USP9X: variants seen among roughly 807,000 people sequenced by gnomAD.
USP9X encodes ubiquitin carboxyl-terminal hydrolase 9X.
In USP9X, 7 loss-of-function variants were observed where a neutral mutation model predicts 190.3. The observed-to-expected ratio is 0.04, with a 90% CI of 0.02 to 0.07. The LOEUF is 0.07. Among genes scored for constraint, USP9X ranks in the 10% least tolerant of loss-of-function variants. The pLI is 1.00. For synonymous variants in USP9X, 645 were observed against 659.5 expected, an observed-to-expected ratio of 0.98 and a Z score of 0.34; for missense variants, 1,010 against 1,916.9, an observed-to-expected ratio of 0.53 and a Z score of 8.83.
intron 11 of USP9X, among the ~76,000 whole-genome samples, chrX:41,146,966 A>T (rs1236398246): frequency 1.8e-5 from 2 of 111,163 alleles, no homozygotes; most frequent in Non-Finnish European, 3.8e-5. Flanking sequence ...TTAATATCAT[A>T]AAATAGTTTT....
chrX:41,149,450 A>G (rs1024439155), intron 12 of USP9X, among the ~76,000 whole-genome samples: 1 of 110,641 alleles, frequency 9.0e-6, no homozygotes, highest in Non-Finnish European at 1.9e-5. Flanking sequence ...TTCAACTTTC[A>G]TTTATTGTTT....
intron 15 of USP9X, among the ~76,000 whole-genome samples, chrX:41,164,683 G>T (rs1456413472): frequency 8.9e-6 from 1 of 112,146 alleles, no homozygotes; most frequent in African/African-American, 3.2e-5. Context: ...AGTGCAGCAG[G>T]TGTTACTCCC....
chrX:41,093,942 A>T (rs772604120), intron 1 of USP9X, among the ~76,000 whole-genome samples: 1 of 112,029 alleles, frequency 8.9e-6, no homozygotes, highest in African/African-American at 3.2e-5. Context: ...GGGAATGTGA[A>T]AGGAGGATAC....
In USP9X at chrX:41,102,798, C is replaced by CTTT. The variant is rs60200874; in HGVS notation, c.-159+16699_-159+16701dup. ...TGTTAACAGATAACTTTGAGTTTAT[C>CTTT]TTTTTTTTTTTTGAGACGGAGTCTT... is the stretch of plus-strand genomic sequence containing the variant. On this transcript the variant is annotated intron_variant, in intron 1 of 44. Coordinates refer to ENST00000378308, the MANE Select transcript of USP9X (RefSeq NM_001039591.3). 3.9e-5 allele frequency among the ~76,000 whole-genome samples: 4 copies of CTTT among 101,620 alleles called. No individual in the cohort carries two copies. In the East Asian group the frequency reaches 1.2e-3, roughly 32 times the overall value. 88.2% of individuals were successfully genotyped at this position (101,620 alleles called of 115,157 possible).
intron 23 of USP9X, 59 bp downstream of exon 23, chrX:41,184,734 A>G (rs966442970): frequency 2.1e-5 from 21 of 978,781 alleles, no homozygotes; most frequent in South Asian, 1.4e-4. Flanking sequence ...TTAAAGTAAA[A>G]CTAATTAGTA....
At chrX:41,198,403 TTCTGAGATGTAATGAGATCTTAAATTCC>T in intron 29 of USP9X, 97 bp from the exon 30 acceptor site, 5 of 349,683 alleles carry the variant, frequency 1.4e-5, no homozygotes, top group Admixed American at 6.9e-5. Context: ...AATCTGAGTT[TTCTGAGATGTAATGAGATCTTAAATTCC>T]AATGAGTAAT....
chrX:41,174,977 G>T (rs1020676378), intron 21 of USP9X, among the ~76,000 whole-genome samples: 1 of 110,308 alleles, frequency 9.1e-6, no homozygotes, highest in African/African-American at 3.3e-5. Flanking sequence ...GCGAGATTCT[G>T]TCTGAAGAAA....
At chrX:41,088,148 T>A (rs2061927164) in intron 1 of USP9X, among the ~76,000 whole-genome samples, 1 of 111,922 alleles carries the variant, frequency 8.9e-6, no homozygotes, top group South Asian at 3.7e-4. Flanking sequence ...CACGCCCGGC[T>A]AATTTTTTGT....
chrX:41,156,096 A>T (rs1004627160), intron 14 of USP9X, among the ~76,000 whole-genome samples: 1 of 112,799 alleles, frequency 8.9e-6, no homozygotes, highest in Non-Finnish European at 1.9e-5. Context: ...AGACCTTAAC[A>T]AAACAACCAT....
intron 21 of USP9X, 121 bp from the exon 22 acceptor site, chrX:41,183,877 G>T: frequency 1.2e-6 from 1 of 841,477 alleles, no homozygotes. Context: ...TAGGAAGTTT[G>T]AGCCTATAGC....
chrX:41,166,485 T>G (rs758193712), intron 16 of USP9X, among the ~76,000 whole-genome samples: 5 of 111,647 alleles, frequency 4.5e-5, no homozygotes, highest in Non-Finnish European at 9.4e-5. Context: ...AAATCTTTCA[T>G]TCCTCCCCCG....
intron 14 of USP9X, among the ~76,000 whole-genome samples, chrX:41,153,935 A>G (rs1437064732): frequency 8.9e-6 from 1 of 112,406 alleles, no homozygotes; most frequent in Non-Finnish European, 1.9e-5. Flanking sequence ...TATGTTAAAA[A>G]TGAGAATATT....
chrX:41,232,375 C>G lies in USP9X; in HGVS notation c.7528-12C>G, dbSNP rs376777816. The stretch of plus-strand genomic sequence containing the variant: ...AAAAGTTTTAACATACAGATCTTTT[C>G]TCCTTTCCCAGAATAACCATGTGCA... On this transcript the variant is annotated splice_polypyrimidine_tract_variant and intron_variant, in intron 44 of 44. Transcript: ENST00000378308. 6 of 1,199,225 alleles carry G rather than the reference C, an allele frequency of 5.0e-6. No homozygotes were observed. In the African/African-American group the frequency reaches 1.1e-4, roughly 21 times the overall value.
intron 6 of USP9X, among the ~76,000 whole-genome samples, chrX:41,139,068 C>T (rs900408884): frequency 4.4e-5 from 5 of 112,448 alleles, no homozygotes; most frequent in Non-Finnish European, 7.5e-5. Context: ...TAGCTTTAGA[C>T]TAATTCTTTA....
At chrX:41,203,871 T>A (rs567454424) in intron 31 of USP9X, among the ~76,000 whole-genome samples, 1 of 110,699 alleles carries the variant, frequency 9.0e-6, no homozygotes. Context: ...CTAATTTTTG[T>A]ATTTTTAGTA....
intron 2 of USP9X, among the ~76,000 whole-genome samples, chrX:41,126,698 AC>A (rs2062256927): frequency 9.0e-6 from 1 of 111,668 alleles, no homozygotes; most frequent in Non-Finnish European, 1.9e-5. Context: ...GAAACAAATT[AC>A]ATTATCCCTC....
intron 1 of USP9X, among the ~76,000 whole-genome samples, chrX:41,101,797 G>A (rs2062036453): frequency 1.8e-5 from 2 of 112,682 alleles, no homozygotes; most frequent in Admixed American, 9.4e-5. Context: ...TGTCCATCAA[G>A]TGATGAATGC....
chrX:41,123,042 G>A (rs1035779117), intron 1 of USP9X, among the ~76,000 whole-genome samples: 7 of 111,511 alleles, frequency 6.3e-5, no homozygotes, highest in African/African-American at 9.8e-5. Context: ...ACACTTGGGC[G>A]TGAAAACAGG....
chrX:41,089,427 C>T (rs1183637831), intron 1 of USP9X, among the ~76,000 whole-genome samples: 1 of 111,970 alleles, frequency 8.9e-6, no homozygotes, highest in Non-Finnish European at 1.9e-5. Context: ...AGATAGTCTC[C>T]AATTTGATAA....
Sources: allele counts gnomAD v4.1 joint callset (sites outside exome capture counted in the v4.1 genomes callset), GRCh38; gene constraint gnomAD v4.1.1; transcripts MANE v1.5; gene names NCBI Gene and HGNC (gene_info 2026-07-23, HGNC 2026-07-21).